Variants in SPINT2 observed in about 807,000 individuals in gnomAD.
The protein encoded by SPINT2 is serine peptidase inhibitor, Kunitz type 2.
In SPINT2, 18 loss-of-function variants were observed where a neutral mutation model predicts 30.1. That is an observed-to-expected ratio of 0.60 (90% confidence interval 0.41 to 0.89). The LOEUF is 0.89. Ranked by LOEUF, SPINT2 falls within the 40% of genes least tolerant of loss-of-function variation. The pLI, the probability that SPINT2 is intolerant of heterozygous loss-of-function variation, is 0.00. For synonymous variants in SPINT2, 139 were observed against 137.9 expected, an observed-to-expected ratio of 1.01 and a Z score of -0.05; for missense variants, 276 against 334.3, an observed-to-expected ratio of 0.83 and a Z score of 1.36.
At chr19:38,282,008 A>G (rs1968586297) in intron 1 of SPINT2, among the ~76,000 whole-genome samples, 1 of 152,178 alleles carries the variant, frequency 6.6e-6, no homozygotes, top group African/African-American at 2.4e-5. Context: ...CTTTTTTCAA[A>G]TGATAGGGAA....
Position 38,283,721 on chromosome 19 carries a change from G to A in SPINT2, c.201G>A (p.Val67=). The A allele has an allele frequency of 3.1e-6, 5 of 1,613,766 alleles. No homozygotes were observed. Among genetic ancestry groups the A allele is most frequent in the Non-Finnish European group, 4.2e-6 (5 of 1,179,830 alleles). Residue 67 remains valine (V), a synonymous_variant, in exon 2 of 7, where the codon GTG becomes GTA. Transcript: ENST00000301244. ...NVTDGSCQLF[V]YGGCDGNSNN... ...CTGACGGATCCTGCCAGCTGTTTGT[G>A]TATGGGGGCTGTGACGGAAACAGCA...
chr19:38,288,526 A>G, intron 3 of SPINT2: 1 of 199,660 alleles, frequency 5.0e-6, no homozygotes, highest in Non-Finnish European at 1.0e-5. Flanking sequence ...CCAGGTAGCA[A>G]ATGCACCCTC....
intron 1 of SPINT2, among the ~76,000 whole-genome samples, chr19:38,281,277 T>A (rs73037326): frequency 0.14 from 21,287 of 151,404 alleles, 1,781 homozygotes; most frequent in East Asian, 0.36. Context: ...AAAAAAAAAA[T>A]TTTTTTTCTG....
intron 1 of SPINT2, among the ~76,000 whole-genome samples, chr19:38,269,178 A>G (rs987201179): frequency 2.6e-5 from 4 of 151,664 alleles, no homozygotes; most frequent in Admixed American, 2.0e-4. Flanking sequence ...GCTCACTGCA[A>G]TCTCCACCTC....
In SPINT2 at chr19:38,264,728, G is replaced by A; in HGVS notation, c.-165G>A. ...CCGGGCGTCCCCACACTGAAGGTCC[G>A]GAAAGGCGACTTCCGGGGGCTTTGG... is the stretch of plus-strand genomic sequence containing the variant. On this transcript the variant is annotated 5_prime_UTR_variant, in exon 1 of 7. Coordinates refer to ENST00000301244, the MANE Select transcript of SPINT2 (RefSeq NM_021102.4). The A allele has an allele frequency of 1.4e-6, 1 of 694,886 alleles. No homozygotes were observed. The highest frequency in any genetic ancestry group is 2.9e-5 in the East Asian group (1 of 34,714). 43.0% of individuals were successfully genotyped at this position (694,886 alleles called of 1,614,324 possible).
intron 1 of SPINT2, among the ~76,000 whole-genome samples, chr19:38,275,551 C>G (rs764825507): frequency 2.0e-5 from 3 of 151,996 alleles, no homozygotes; most frequent in Non-Finnish European, 4.4e-5. Context: ...TCTTGAAATC[C>G]TGACCACAGG....
At chr19:38,291,774 G>A (rs1271736520) in intron 6 of SPINT2, 66 bp from the exon 7 acceptor site, 5 of 1,579,026 alleles carry the variant, frequency 3.2e-6, no homozygotes, top group African/African-American at 1.3e-5. Context: ...CAGGCCCTTG[G>A]TGAGCGCCAC....
chr19:38,283,306 T>A (rs1968601975), intron 1 of SPINT2, among the ~76,000 whole-genome samples: 1 of 152,140 alleles, frequency 6.6e-6, no homozygotes, highest in Admixed American at 6.5e-5. Context: ...GGAGTGAGAC[T>A]CTCTCTCCAA....
intron 2 of SPINT2, among the ~76,000 whole-genome samples, chr19:38,284,133 G>A (rs892004846): frequency 5.3e-5 from 8 of 151,864 alleles, no homozygotes; most frequent in Admixed American, 1.3e-4. Context: ...GAGCCACTGC[G>A]CCCAGCCCCT....
chr19:38,266,304 A>G (rs1247718334), intron 1 of SPINT2, among the ~76,000 whole-genome samples: 1 of 151,326 alleles, frequency 6.6e-6, no homozygotes, highest in Non-Finnish European at 1.5e-5. Context: ...TGAACCCGGG[A>G]GGCGGATGTT....
At chr19:38,291,621 G>T (rs113937616) in intron 6 of SPINT2, 2 of 574,976 alleles carry the variant, frequency 3.5e-6, no homozygotes, top group Non-Finnish European at 6.1e-6. Context: ...CTGCTGGCAC[G>T]CACATAGCAT....
rs1600327890 is a variant in SPINT2, at chr19:38,265,000, T to G, written c.106+2T>G. On this transcript the variant is annotated splice_donor_variant, in intron 1 of 6. Coordinates refer to ENST00000301244, the MANE Select transcript of SPINT2 (RefSeq NM_021102.4). LOFTEE classifies it high-confidence loss of function. ...CCGACCGAGAACGCAGCATCCACGG[T>G]GAGGGCCGGGCGGGTAGGCTGGAGG... is the stretch of plus-strand genomic sequence containing the variant. The G allele has an allele frequency of 4.4e-6, 6 of 1,359,840 alleles. No homozygotes were observed. Among genetic ancestry groups the G allele is most frequent in the African/African-American group, 1.9e-5 (1 of 52,620 alleles). 84.2% of individuals were successfully genotyped at this position (1,359,840 alleles called of 1,614,324 possible). A position where few individuals can be genotyped will look rare whatever the true frequency, so the allele number is the denominator to read the frequency against.
At chr19:38,271,669 TAA>T (rs2146267192) in intron 1 of SPINT2, among the ~76,000 whole-genome samples, 1 of 151,070 alleles carries the variant, frequency 6.6e-6, no homozygotes, top group South Asian at 2.1e-4. Flanking sequence ...CCATCTCTAC[TAA>T]AAATACAAAA....
chr19:38,277,885 C>T (rs1443814678), intron 1 of SPINT2, among the ~76,000 whole-genome samples: 2 of 152,132 alleles, frequency 1.3e-5, no homozygotes, highest in African/African-American at 2.4e-5. Flanking sequence ...ATGAGTTCAT[C>T]CAAATTTGGT....
chr19:38,269,107 G>GT (rs373675862), intron 1 of SPINT2, among the ~76,000 whole-genome samples: 82 of 151,064 alleles, frequency 5.4e-4, no homozygotes, highest in East Asian at 1.2e-3. Context: ...GTTTTTTTGG[G>GT]TTTTTTTTTG....
rs1968678263 is a variant in SPINT2, at chr19:38,289,045, A to G, written c.338-93A>G. On this transcript the variant is annotated intron_variant, in intron 3 of 6. Coordinates refer to ENST00000301244, the MANE Select transcript of SPINT2 (RefSeq NM_021102.4). ...CACACCCCTTCTTAAAGGCGTGTCC[A>G]CACTCCTCAGTGGGCCCTTCCAGAC... The G allele has an allele frequency of 3.4e-6, 4 of 1,159,430 alleles. No homozygotes were observed. In the Admixed American group the frequency reaches 6.7e-5, roughly 20 times the overall value. 71.8% of individuals were successfully genotyped at this position (1,159,430 alleles called of 1,614,324 possible). A position where few individuals can be genotyped will look rare whatever the true frequency, so the allele number is the denominator to read the frequency against.
intron 2 of SPINT2, among the ~76,000 whole-genome samples, chr19:38,285,372 C>T (rs188646992): frequency 5.7e-4 from 87 of 152,166 alleles, no homozygotes; most frequent in African/African-American, 1.7e-3. Flanking sequence ...CTTTTTTTCT[C>T]GCTTAGTCGC....
In SPINT2 at chr19:38,290,719, C is replaced by T. The variant is rs749601187; in HGVS notation, c.592+144C>T. ...AAGTCATGTTTCTGCGTGAGAATGG[C>T]GAGGTGGTGGTTTGTCCCACCGTTC... On this transcript the variant is annotated intron_variant, in intron 6 of 6. Transcript: ENST00000301244. The surrounding 1 kb of genome is among the most constrained non-coding windows in gnomAD (Gnocchi z 4.3). 1.5e-5 allele frequency: 18 copies of T among 1,180,708 alleles called. No individual in the cohort carries two copies. Among genetic ancestry groups the T allele is most frequent in the Admixed American group, 2.0e-5 (1 of 50,264 alleles). 73.1% of individuals were successfully genotyped at this position (1,180,708 alleles called of 1,614,324 possible).
Position 38,290,675 on chromosome 19 carries a change from T to A in SPINT2, c.592+100T>A. 7.0e-7 allele frequency: 1 copy of A among 1,435,078 alleles called. No homozygotes were observed. The highest frequency in any genetic ancestry group is 9.6e-7 in the Non-Finnish European group (1 of 1,043,656). 88.9% of individuals were successfully genotyped at this position (1,435,078 alleles called of 1,614,324 possible). A position where few individuals can be genotyped will look rare whatever the true frequency, so the allele number is the denominator to read the frequency against. On this transcript the variant is annotated intron_variant, in intron 6 of 6. Coordinates refer to ENST00000301244, the MANE Select transcript of SPINT2 (RefSeq NM_021102.4). The surrounding 1 kb of genome is among the most constrained non-coding windows in gnomAD (Gnocchi z 4.3). ...CTGTGGTTTACATTATCCTTCACTG[T>A]GAACATCATCTTGGCAGAAAGTCAT...
Sources: allele counts gnomAD v4.1 joint callset (sites outside exome capture counted in the v4.1 genomes callset), GRCh38; gene constraint gnomAD v4.1.1; non-coding constraint Gnocchi (gnomAD v3.1); transcripts MANE v1.5; gene names NCBI Gene and HGNC (gene_info 2026-07-23, HGNC 2026-07-21).